AQP4: variants seen among roughly 807,000 people sequenced by gnomAD.
The protein encoded by AQP4 is aquaporin-4.
In AQP4, 18 loss-of-function variants were observed where a neutral mutation model predicts 27.8. That is an observed-to-expected ratio of 0.65 (90% confidence interval 0.45 to 0.96). The LOEUF (loss-of-function observed/expected upper bound fraction) is 0.96, where lower values mean the gene tolerates loss of function less well. Ranked by LOEUF, AQP4 falls within the 40% of genes least tolerant of loss-of-function variation. The pLI is 0.00. For missense variants in AQP4, 412 were observed against 408.2 expected, an observed-to-expected ratio of 1.01 and a Z score of -0.08; for synonymous variants, 141 against 142.9, an observed-to-expected ratio of 0.99 and a Z score of 0.10.
chr18:26,859,552 A>G (rs374591913), intron 4 of AQP4, among the ~76,000 whole-genome samples: 13 of 152,164 alleles, frequency 8.5e-5, no homozygotes, highest in African/African-American at 2.4e-4. Context: ...TATACTACTC[A>G]CTAAAAATTT....
chr18:26,853,048 A>C lies in AQP4; in HGVS notation c.*3163T>G, dbSNP rs552275037. ...GTGTTGTCTGGTTTCATGGTCTGAG[A>C]ACAGTATTCTGTGCTCTTTGGAATC... On this transcript the variant is annotated 3_prime_UTR_variant, in exon 5 of 5. Transcript: ENST00000383168. 5 of 396,342 alleles carry C rather than the reference A, an allele frequency of 1.3e-5. No homozygotes were observed. The highest frequency in any genetic ancestry group is 1.4e-4 in the South Asian group (1 of 7,072). The allele number at this position is 396,342 out of a possible 1,614,324, so 24.6% of individuals were successfully genotyped here.
At chr18:26,861,342 C>T (rs756143674) in intron 2 of AQP4, 47 bp from the exon 3 acceptor site, 11 of 1,568,432 alleles carry the variant, frequency 7.0e-6, no homozygotes, top group East Asian at 4.5e-5. Flanking sequence ...AGAGTATTTT[C>T]GATGACAATG....
chr18:26,857,077 C>T (rs1316044786), intron 4 of AQP4, among the ~76,000 whole-genome samples: 7 of 152,034 alleles, frequency 4.6e-5, no homozygotes, highest in South Asian at 4.1e-4. Flanking sequence ...ACAAACCTCA[C>T]GGGGTAAAAG....
At chr18:26,860,624 C>T in intron 4 of AQP4, 148 bp downstream of exon 4, 1 of 757,378 alleles carries the variant, frequency 1.3e-6, no homozygotes, top group South Asian at 1.4e-5. Flanking sequence ...TATTCTTTCC[C>T]TAGTCTTTAT....
rs761699060 is a variant in AQP4, at chr18:26,862,346, G to A, written c.283C>T (p.His95Tyr). 1.9e-6 allele frequency: 3 copies of A among 1,614,190 alleles called. No homozygotes were observed. Among genetic ancestry groups the A allele is most frequent in the Non-Finnish European group, 2.5e-6 (3 of 1,180,036 alleles). Reference protein sequence around the residue: ...VQCFGHISGGHINPAVTVAMV... With the variant: ...VQCFGHISGGYINPAVTVAMV... ...GCCACAGTCACTGCAGGGTTGATGT[G>A]GCCACCGCTGATATGGCCAAAGCAC... Residue 95 changes from histidine to tyrosine, a missense_variant, in exon 2 of 5, where the codon CAC becomes TAC. His to Tyr is a moderately conservative substitution (Grantham distance 83). Transcript: ENST00000383168.
chr18:26,861,515 C>T lies in AQP4; in HGVS notation c.448-220G>A, dbSNP rs113455094. On this transcript the variant is annotated intron_variant, in intron 2 of 4. Transcript: ENST00000383168. ...CAGATGACTGTGATTACTCTTACAA[C>T]GACCAAACAGGAGTTTGTGCTGAAT... is the stretch of plus-strand genomic sequence containing the variant. Among the ~76,000 whole-genome samples, 37 of 152,290 alleles carry T rather than the reference C, an allele frequency of 2.4e-4. 1 individual carries two copies. The highest frequency in any genetic ancestry group is 1.5e-3 in the East Asian group (8 of 5,182).
intron 4 of AQP4, among the ~76,000 whole-genome samples, chr18:26,856,839 A>T (rs74317649): frequency 6.6e-6 from 1 of 152,148 alleles, no homozygotes; most frequent in Non-Finnish European, 1.5e-5. Context: ...TAAAAAAAAA[A>T]TTTCTGGAGA....
intron 4 of AQP4, 24 bp downstream of exon 4, chr18:26,860,748 G>A: frequency 1.3e-6 from 2 of 1,588,676 alleles, no homozygotes; most frequent in Non-Finnish European, 1.7e-6. Context: ...GTAGGAAGAT[G>A]GGAACTATCA....
At chr18:26,857,312 A>AATTAAT (rs2054861553) in intron 4 of AQP4, among the ~76,000 whole-genome samples, 1 of 148,690 alleles carries the variant, frequency 6.7e-6, no homozygotes, top group Admixed American at 6.7e-5. Flanking sequence ...AATAAATGGA[A>AATTAAT]ATTATTATTA....
At chr18:26,865,760 G>A (rs745792353), upstream of AQP4, 7 of 1,584,322 alleles carry the variant, frequency 4.4e-6, no homozygotes, top group Admixed American at 6.7e-5. Flanking sequence ...GTCAGATTAC[G>A]GCCACTTGTC....
Position 26,862,386 on chromosome 18 carries a change from A to G in AQP4, c.243T>C (p.Ile81=), listed in dbSNP as rs1392864827. ...GGCCAAAGCACTGCACCATGGTTGC[A>G]ATGCTGAGTCCAAAGCAAAGGGAGA... ...VLISLCFGLS[I]ATMVQCFGHI... Residue 81 remains isoleucine, a synonymous_variant, in exon 2 of 5, where the codon ATT becomes ATC. Transcript: ENST00000383168. 3.1e-6 allele frequency: 5 copies of G among 1,614,116 alleles called. No individual in the cohort carries two copies. In the African/African-American group the frequency reaches 5.3e-5, roughly 17 times the overall value.
At chr18:26,864,250 G>A (rs162009) in intron 1 of AQP4, among the ~76,000 whole-genome samples, 49,755 of 152,140 alleles carry the variant, frequency 0.33, 8,172 homozygotes, top group East Asian at 0.37. Context: ...TGCTTTCTGC[G>A]TGGGTAGTGA....
chr18:26,864,073 A>G (rs532192162), intron 1 of AQP4, among the ~76,000 whole-genome samples: 2 of 152,102 alleles, frequency 1.3e-5, no homozygotes, highest in Admixed American at 1.3e-4. Flanking sequence ...TAGTCATGAG[A>G]GCCAAGAAGT....
At position 26,856,216 on chromosome 18, in the gene AQP4, C is replaced by T. The variant is rs2054837994; in HGVS notation, c.967G>A (p.Val323Ile). The change falls in exon 5 of 5, where the codon GTA becomes ATA. Residue 323 changes from valine to isoleucine, a missense_variant. Transcript: ENST00000383168. Reference protein sequence around the residue: ...KDQSGEVLSSV With the variant: ...KDQSGEVLSSI ...CTTTCAGTGCGATCTTCTAGTCATA[C>T]TGAAGACAATACCTCTCCAGATTGG... The T allele has an allele frequency of 6.2e-7, 1 of 1,614,196 alleles. No homozygotes were observed. The highest frequency in any genetic ancestry group is 1.7e-5 in the Admixed American group (1 of 60,028).
intron 4 of AQP4, among the ~76,000 whole-genome samples, chr18:26,860,230 T>G (rs1427164540): frequency 6.6e-6 from 1 of 152,236 alleles, no homozygotes; most frequent in Non-Finnish European, 1.5e-5. Flanking sequence ...CTTTGCACTA[T>G]TTATTCGACA....
At chr18:26,865,743 G>C (rs752991612), upstream of AQP4, 27 of 1,607,698 alleles carry the variant, frequency 1.7e-5, no homozygotes, top group South Asian at 2.7e-4. Flanking sequence ...CTCCCTGTGT[G>C]CTGGGAGTCA....
chr18:26,860,860 A>G lies in AQP4; in HGVS notation c.613-8T>C. On this transcript the variant is annotated splice_polypyrimidine_tract_variant and splice_region_variant and intron_variant, in intron 3 of 4. Coordinates refer to ENST00000383168, the MANE Select transcript of AQP4 (RefSeq NM_001650.7). ...GGCACCAGTATAATTGATCTATAGG[A>G]AACAAGAAAACAACTTCAGACATTG... is the stretch of plus-strand genomic sequence containing the variant. 6.2e-7 allele frequency: 1 copy of G among 1,612,208 alleles called. No individual in the cohort carries two copies. Among genetic ancestry groups the G allele is most frequent in the Non-Finnish European group, 8.5e-7 (1 of 1,178,214 alleles).
chr18:26,861,293 A>T lies in AQP4; in HGVS notation c.450T>A (p.Val150=). 6.2e-7 allele frequency: 1 copy of T among 1,613,558 alleles called. No homozygotes were observed. Among genetic ancestry groups the T allele is most frequent in the South Asian group, 1.1e-5 (1 of 91,062 alleles). The part of the protein sequence containing the change: ...SVVGGLGVTM[V]HGNLTAGHGL... The stretch of plus-strand genomic sequence containing the variant: ...CATGACCAGCGGTAAGATTTCCATG[A>T]ACCTAGAGAAAGAAAAATATTCCAT... The change falls in exon 3 of 5, where the codon GTT becomes GTA. Residue 150 remains valine, a splice_region_variant and synonymous_variant. Transcript: ENST00000383168.
In AQP4 at chr18:26,855,583, C is replaced by G. The variant is rs974942282; in HGVS notation, c.*628G>C. On this transcript the variant is annotated 3_prime_UTR_variant, in exon 5 of 5. Transcript: ENST00000383168. ...TTTCTGGGCTTTAGTCCCACATTAC[C>G]TTGGGCATTGAGGAGGAAGAAATAC... The G allele has an allele frequency of 6.5e-6, 1 of 153,168 alleles. No individual in the cohort carries two copies. Among genetic ancestry groups the G allele is most frequent in the Non-Finnish European group, 1.5e-5 (1 of 68,540 alleles). 9.5% of individuals were successfully genotyped at this position (153,168 alleles called of 1,614,324 possible).
Sources: gnomAD v4.1 joint callset for allele counts (sites outside exome capture counted in the v4.1 genomes callset) on GRCh38, gnomAD v4.1.1 for gene constraint, MANE v1.5 for transcripts, NCBI Gene and HGNC (gene_info 2026-07-23, HGNC 2026-07-21) for gene names.